The following LINGO2 variants were observed in gnomAD, a reference collection of about 807,000 sequenced individuals.
LINGO2 encodes the protein leucine rich repeat and Ig domain containing 2.
A neutral mutation model predicts 30.6 loss-of-function variants in LINGO2; 14 were observed. The ratio of observed to expected loss-of-function variants is 0.46; its 90% CI spans 0.30 to 0.72. The LOEUF (loss-of-function observed/expected upper bound fraction) is 0.72. Ranked by LOEUF, LINGO2 falls within the 30% of genes least tolerant of loss-of-function variation. The probability of loss-of-function intolerance (pLI) is 0.07; values close to 1 mark genes in which losing one functional copy is unlikely to be tolerated. For synonymous variants in LINGO2, 317 were observed against 288.5 expected, an observed-to-expected ratio of 1.10 and a Z score of -1.00; for missense variants, 729 against 751.7, an observed-to-expected ratio of 0.97 and a Z score of 0.35.
intron 1 of LINGO2, among the ~76,000 whole-genome samples, chr9:28,655,325 A>T (rs973112022): frequency 6.6e-6 from 1 of 151,886 alleles, no homozygotes; most frequent in East Asian, 1.9e-4. Flanking sequence ...AGGTGTCTTT[A>T]CCCAATGCCT....
the LINGO2 span, among the ~76,000 whole-genome samples, chr9:28,989,099 T>C: frequency 3.1e-4 from 47 of 152,292 alleles, no homozygotes; most frequent in African/African-American, 9.4e-4. Flanking sequence ...ATAATGGATA[T>C]GCTATATTAT....
chr9:28,601,239 G>A (rs1825455192), intron 1 of LINGO2, among the ~76,000 whole-genome samples: 1 of 152,102 alleles, frequency 6.6e-6, no homozygotes, highest in Non-Finnish European at 1.5e-5. Context: ...AAGCTTTGCT[G>A]TAGAAGCATG....
At chr9:28,214,057 T>G in intron 4 of LINGO2, among the ~76,000 whole-genome samples, 1 of 151,554 alleles carries the variant, frequency 6.6e-6, no homozygotes, top group Non-Finnish European at 1.5e-5. Flanking sequence ...AAATATATTT[T>G]CCTACTTGAA....
chr9:28,493,810 A>C lies in LINGO2; in HGVS notation c.-364-17785T>G, dbSNP rs569775511. On this transcript the variant is annotated intron_variant, in intron 1 of 5. Coordinates refer to ENST00000379992, the Ensembl canonical transcript of LINGO2. The stretch of plus-strand genomic sequence containing the variant: ...CTGCCAGCACGGTCAGAATAAAAGC[A>C]TGTGGAAGAACGTGCAAAGACTAGA... Among the ~76,000 whole-genome samples, 6 of 152,276 alleles carry C rather than the reference A, an allele frequency of 3.9e-5. No individual in the cohort carries two copies. The East Asian group carries it at 1.2e-3, about 29-fold the overall frequency.
the LINGO2 span, among the ~76,000 whole-genome samples, chr9:28,767,680 G>A: frequency 6.6e-6 from 1 of 151,544 alleles, no homozygotes; most frequent in Non-Finnish European, 1.5e-5. Context: ...CAGCTACTGG[G>A]GAGGCTGAGG....
At chr9:28,590,358 G>A (rs1251909683) in intron 1 of LINGO2, among the ~76,000 whole-genome samples, 1 of 152,048 alleles carries the variant, frequency 6.6e-6, no homozygotes, top group East Asian at 1.9e-4. Context: ...TACCATCAGA[G>A]TGAACAGGCA....
chr9:28,820,975 C>T, the LINGO2 span, among the ~76,000 whole-genome samples: 3 of 152,328 alleles, frequency 2.0e-5, no homozygotes, highest in East Asian at 5.8e-4. Context: ...TTTGATGTTT[C>T]TGTCACAGGA....
intron 2 of LINGO2, among the ~76,000 whole-genome samples, chr9:28,455,278 T>G (rs1234818872): frequency 1.3e-5 from 2 of 152,046 alleles, no homozygotes; most frequent in Non-Finnish European, 2.9e-5. Context: ...GCTACTCTAA[T>G]ATACTAGATT....
At chr9:27,983,373 G>A (rs191403832) in intron 5 of LINGO2, among the ~76,000 whole-genome samples, 352 of 151,934 alleles carry the variant, frequency 2.3e-3, no homozygotes, top group Non-Finnish European at 3.4e-3. Flanking sequence ...ACGGAAAAGA[G>A]GCACAGTGAG....
intron 4 of LINGO2, among the ~76,000 whole-genome samples, chr9:28,149,913 CGTCCTGTCTGCG>C (rs1827945553): frequency 6.6e-6 from 1 of 150,688 alleles, no homozygotes; most frequent in African/African-American, 2.4e-5. Context: ...GCCTCGCCGC[CGTCCTGTCTGCG>C]AAGTGAGGAG....
chr9:28,014,541 AAATTTT>A (rs1822724399), intron 4 of LINGO2, among the ~76,000 whole-genome samples: 1 of 152,192 alleles, frequency 6.6e-6, no homozygotes, highest in Admixed American at 6.6e-5. Context: ...TACACTAGAT[AAATTTT>A]ACTTTTTTAT....
At chr9:27,944,103 G>A (rs1823273269), downstream of LINGO2, 1 of 152,082 alleles carries the variant, frequency 6.6e-6, no homozygotes, top group Non-Finnish European at 1.5e-5. Context: ...TTTTATCCTA[G>A]ACCATTTGTT....
chr9:29,019,763 T>A, the LINGO2 span, among the ~76,000 whole-genome samples: 268 of 152,172 alleles, frequency 1.8e-3, 1 homozygote, highest in African/African-American at 5.6e-3. Context: ...AAGAAAATAT[T>A]TTTTTTTTGT....
the LINGO2 span, among the ~76,000 whole-genome samples, chr9:28,823,955 A>C: frequency 6.6e-6 from 1 of 152,168 alleles, no homozygotes; most frequent in Non-Finnish European, 1.5e-5. Flanking sequence ...CTCTGTATTT[A>C]ACTGGTAATC....
At chr9:28,983,839 T>C in the LINGO2 span, among the ~76,000 whole-genome samples, 1 of 151,960 alleles carries the variant, frequency 6.6e-6, no homozygotes, top group Non-Finnish European at 1.5e-5. Context: ...CCCTCCATTA[T>C]CGTAGCATCA....
chr9:28,781,610 A>G, the LINGO2 span, among the ~76,000 whole-genome samples: 1 of 152,210 alleles, frequency 6.6e-6, no homozygotes, highest in African/African-American at 2.4e-5. Flanking sequence ...TATAAGAGGC[A>G]TGGAGTGAAC....
At chr9:28,691,605 A>T in the LINGO2 span, among the ~76,000 whole-genome samples, 10,917 of 152,236 alleles carry the variant, frequency 0.072, 564 homozygotes, top group Admixed American at 0.19. Context: ...TAAAAAAAGC[A>T]GTACATCTAC....
intron 4 of LINGO2, among the ~76,000 whole-genome samples, chr9:28,207,372 T>C (rs560572776): frequency 6.6e-6 from 1 of 152,220 alleles, no homozygotes; most frequent in South Asian, 2.1e-4. Flanking sequence ...CTTCTGTTAC[T>C]TTACATAAAT....
At chr9:29,031,631 T>C in the LINGO2 span, among the ~76,000 whole-genome samples, 2 of 152,134 alleles carry the variant, frequency 1.3e-5, no homozygotes, top group East Asian at 1.9e-4. Context: ...GAGTCAAATG[T>C]TATTCTAAAA....
Sources: allele counts gnomAD v4.1 joint callset (sites outside exome capture counted in the v4.1 genomes callset), GRCh38; gene constraint gnomAD v4.1.1; transcripts MANE v1.5; gene names NCBI Gene and HGNC (gene_info 2026-07-23, HGNC 2026-07-21).